Variants in DTWD1 observed in about 807,000 individuals in gnomAD.
DTWD1 encodes the protein DTW motif tRNA-uridine aminocarboxypropyltransferase 1.
In DTWD1, 27 loss-of-function variants were observed where a neutral mutation model predicts 30.2. The observed-to-expected ratio is 0.90, with a 90% CI of 0.66 to 1.23. DTWD1 has a LOEUF of 1.23. Ranked by LOEUF, DTWD1 falls within the 50% of genes most tolerant of loss-of-function variation. DTWD1 has a pLI of 0.00. For synonymous variants in DTWD1, 99 were observed against 113.1 expected (o/e 0.88, Z 0.79); for missense variants, 342 against 348.8 (o/e 0.98, Z 0.15).
chr15:49,635,475 G>T (rs940777807), intron 4 of DTWD1, among the ~76,000 whole-genome samples: 11 of 151,874 alleles, frequency 7.2e-5, no homozygotes, highest in Non-Finnish European at 1.5e-4. Flanking sequence ...TGCCTTACAG[G>T]TTTTTTGTTG....
rs1388556344 is a variant in DTWD1, at chr15:49,645,023, G to C, written c.*1445G>C. 6.6e-6 allele frequency: 1 copy of C among 152,146 alleles called. No individual in the cohort carries two copies. The highest frequency in any genetic ancestry group is 2.4e-5 in the African/African-American group (1 of 41,432). The allele number at this position is 152,146 out of a possible 1,614,324, so 9.4% of individuals were successfully genotyped here. A position where few individuals can be genotyped will look rare whatever the true frequency, so the allele number is the denominator to read the frequency against. On this transcript the variant is annotated 3_prime_UTR_variant, in exon 5 of 5. Transcript: ENST00000403028. ...GACACATGATGTTTTATGGGGGAAA[G>C]AGTTCTTGGTGAAATTAGTTTGCTG...
At position 49,650,030 on chromosome 15, in the gene DTWD1, ATAAT is replaced by A. The variant is rs2079144085; in HGVS notation, c.*6456_*6459del. The A allele has an allele frequency of 6.6e-6, 1 of 152,114 alleles. No individual in the cohort carries two copies. The highest frequency in any genetic ancestry group is 1.5e-5 in the Non-Finnish European group (1 of 68,024). 9.4% of individuals were successfully genotyped at this position (152,114 alleles called of 1,614,324 possible). A position where few individuals can be genotyped will look rare whatever the true frequency, so the allele number is the denominator to read the frequency against. On this transcript the variant is annotated 3_prime_UTR_variant, in exon 5 of 5. Coordinates refer to ENST00000403028, the MANE Select transcript of DTWD1 (RefSeq NM_001144955.2). Reference sequence around the variant, plus strand: ...AAATGAGAGAGAGTGAACCATGCGAATAATTAAGTGAATAATGTTTTAATTATAG... The same window carrying A: ...AAATGAGAGAGAGTGAACCATGCGAATAAGTGAATAATGTTTTAATTATAG...
chr15:49,622,989 A>G (rs2078788643), intron 1 of DTWD1, among the ~76,000 whole-genome samples: 2 of 152,206 alleles, frequency 1.3e-5, no homozygotes, highest in African/African-American at 4.8e-5. Context: ...GCAAAGTGAT[A>G]TTTCTGAGGT....
At chr15:49,622,945 C>G (rs2078787974) in intron 1 of DTWD1, among the ~76,000 whole-genome samples, 1 of 152,174 alleles carries the variant, frequency 6.6e-6, no homozygotes, top group Admixed American at 6.5e-5. Flanking sequence ...TCACTAATAT[C>G]CATTTAGTTA....
Position 49,647,069 on chromosome 15 carries a change from C to T in DTWD1, c.*3491C>T, listed in dbSNP as rs1413435608. 6.6e-6 allele frequency: 1 copy of T among 152,196 alleles called. No individual in the cohort carries two copies. Among genetic ancestry groups the T allele is most frequent in the East Asian group, 1.9e-4 (1 of 5,192 alleles). 9.4% of individuals were successfully genotyped at this position (152,196 alleles called of 1,614,324 possible). A position where few individuals can be genotyped will look rare whatever the true frequency, so the allele number is the denominator to read the frequency against. The stretch of plus-strand genomic sequence containing the variant: ...CTGCAGCAGAAGAGATTTAGAGAAG[C>T]AGTGACTAACTAGGTCAGCCGGAGA... On this transcript the variant is annotated 3_prime_UTR_variant, in exon 5 of 5. Coordinates refer to ENST00000403028, the MANE Select transcript of DTWD1 (RefSeq NM_001144955.2).
intron 3 of DTWD1, among the ~76,000 whole-genome samples, chr15:49,634,296 A>G (rs1016094419): frequency 4.9e-4 from 74 of 152,280 alleles, no homozygotes; most frequent in African/African-American, 1.7e-3. Flanking sequence ...CTTGGCATCT[A>G]TCAGTCAGTG....
intron 3 of DTWD1, among the ~76,000 whole-genome samples, chr15:49,634,198 A>G (rs2078969865): frequency 6.6e-6 from 1 of 152,214 alleles, no homozygotes; most frequent in Non-Finnish European, 1.5e-5. Context: ...AACAGTTTTC[A>G]GTGGTTCTTT....
intron 2 of DTWD1, among the ~76,000 whole-genome samples, chr15:49,628,837 AT>A (rs1015364919): frequency 1.3e-5 from 2 of 151,672 alleles, no homozygotes; most frequent in African/African-American, 2.4e-5. Context: ...AAAAAAGCAA[AT>A]TTTTTTTCTT....
At chr15:49,636,855 T>G (rs1174535018) in intron 4 of DTWD1, among the ~76,000 whole-genome samples, 1 of 152,214 alleles carries the variant, frequency 6.6e-6, no homozygotes, top group African/African-American at 2.4e-5. Context: ...TCATTTGTGA[T>G]AACTTTCATT....
chr15:49,643,677 T>A lies in DTWD1; in HGVS notation c.*99T>A. On this transcript the variant is annotated 3_prime_UTR_variant, in exon 5 of 5. Coordinates refer to ENST00000403028, the MANE Select transcript of DTWD1 (RefSeq NM_001144955.2). The stretch of plus-strand genomic sequence containing the variant: ...AAGAAATAATCATATATAATGCCTG[T>A]AAGACCATTTGAAAAAATTCCAGTT... 1 of 1,254,924 alleles carries A rather than the reference T, an allele frequency of 8.0e-7. No individual in the cohort carries two copies. Among genetic ancestry groups the A allele is most frequent in the Non-Finnish European group, 1.1e-6 (1 of 946,804 alleles). The allele number at this position is 1,254,924 out of a possible 1,614,324, so 77.7% of individuals were successfully genotyped here.
Position 49,653,316 on chromosome 15 carries a change from T to G in DTWD1, c.*9738T>G, listed in dbSNP as rs146819903. 2.0e-4 allele frequency: 30 copies of G among 152,182 alleles called. No individual in the cohort carries two copies. Among genetic ancestry groups the G allele is most frequent in the African/African-American group, 6.0e-4 (25 of 41,552 alleles). 9.4% of individuals were successfully genotyped at this position (152,182 alleles called of 1,614,324 possible). A position where few individuals can be genotyped will look rare whatever the true frequency, so the allele number is the denominator to read the frequency against. ...AAGAACTCAACCTGCTATTGTTGGC[T>G]TTACAGGTGAGTGATAGGAACCACA... On this transcript the variant is annotated 3_prime_UTR_variant, in exon 5 of 5. Transcript: ENST00000403028.
rs1231799941 is a variant in DTWD1 at position 49,645,431 on chromosome 15, T to C, written c.*1853T>C. On this transcript the variant is annotated 3_prime_UTR_variant, in exon 5 of 5. Transcript: ENST00000403028. Reference sequence around the variant, plus strand: ...GGCTTGAACATTATTAGTCTTACAGTCTTAGCCAAATAAACTAACTGGCTT... The same window carrying C: ...GGCTTGAACATTATTAGTCTTACAGCCTTAGCCAAATAAACTAACTGGCTT... 1 of 152,184 alleles carries C rather than the reference T, an allele frequency of 6.6e-6. No individual in the cohort carries two copies. Among genetic ancestry groups the C allele is most frequent in the African/African-American group, 2.4e-5 (1 of 41,450 alleles). 9.4% of individuals were successfully genotyped at this position (152,184 alleles called of 1,614,324 possible). A position where few individuals can be genotyped will look rare whatever the true frequency, so the allele number is the denominator to read the frequency against.
chr15:49,633,363 C>T (rs1382963561), intron 3 of DTWD1, among the ~76,000 whole-genome samples: 2 of 152,036 alleles, frequency 1.3e-5, no homozygotes, highest in Middle Eastern at 3.2e-3. Flanking sequence ...TTTTAAGAGT[C>T]GTGCTCTGTT....
chr15:49,634,408 A>G (rs529955692), intron 3 of DTWD1, 128 bp from the exon 4 acceptor site: 18 of 1,071,904 alleles, frequency 1.7e-5, no homozygotes, highest in Middle Eastern at 2.2e-4. Flanking sequence ...AACCATATAC[A>G]ATAGAACCAA....
In DTWD1 at chr15:49,644,092, C is replaced by T. The variant is rs1432944495; in HGVS notation, c.*514C>T. ...CCTAAGGTTGTTAAAAGCAGAGACT[C>T]TGGAGCTAGACTACCTGAATCTAAA... On this transcript the variant is annotated 3_prime_UTR_variant, in exon 5 of 5. Transcript: ENST00000403028. 2.0e-5 allele frequency: 3 copies of T among 152,184 alleles called. No homozygotes were observed. The highest frequency in any genetic ancestry group is 2.9e-5 in the Non-Finnish European group (2 of 68,084). 9.4% of individuals were successfully genotyped at this position (152,184 alleles called of 1,614,324 possible). A position where few individuals can be genotyped will look rare whatever the true frequency, so the allele number is the denominator to read the frequency against.
intron 2 of DTWD1, chr15:49,631,046 AT>A: frequency 2.3e-6 from 1 of 437,388 alleles, no homozygotes. Flanking sequence ...GATCCTGCTG[AT>A]TTTACATTAT....
At chr15:49,635,494 G>GT (rs2078989378) in intron 4 of DTWD1, among the ~76,000 whole-genome samples, 1 of 151,594 alleles carries the variant, frequency 6.6e-6, no homozygotes, top group Non-Finnish European at 1.5e-5. Flanking sequence ...TGTTCTTGTT[G>GT]TTGTTTGTTT....
At position 49,650,421 on chromosome 15, in the gene DTWD1, T is replaced by C. The variant is rs2079146356; in HGVS notation, c.*6843T>C. On this transcript the variant is annotated 3_prime_UTR_variant, in exon 5 of 5. Transcript: ENST00000403028. Reference sequence around the variant, plus strand: ...TCAGTAGTCCATTTGAGAGATGATATTTGCCTGGACAAGGGTTGTGATCAT... The same window carrying C: ...TCAGTAGTCCATTTGAGAGATGATACTTGCCTGGACAAGGGTTGTGATCAT... 6.6e-6 allele frequency: 1 copy of C among 152,152 alleles called. No homozygotes were observed. Among genetic ancestry groups the C allele is most frequent in the African/African-American group, 2.4e-5 (1 of 41,430 alleles). The allele number at this position is 152,152 out of a possible 1,614,324, so 9.4% of individuals were successfully genotyped here.
chr15:49,634,910 A>G (rs2078981168), intron 4 of DTWD1, 116 bp downstream of exon 4: 9 of 913,278 alleles, frequency 9.9e-6, no homozygotes, highest in South Asian at 4.9e-5. Context: ...ATTTTGCCAT[A>G]TTTACTTTAT....
Sources: gnomAD v4.1 joint callset for allele counts (sites outside exome capture counted in the v4.1 genomes callset) on GRCh38, gnomAD v4.1.1 for gene constraint, MANE v1.5 for transcripts, NCBI Gene and HGNC (gene_info 2026-07-23, HGNC 2026-07-21) for gene names.